ADGRB3: variants seen among roughly 807,000 people sequenced by gnomAD.
The protein encoded by ADGRB3 is brain-specific angiogenesis inhibitor 3.
In ADGRB3, 37 loss-of-function variants were observed where a neutral mutation model predicts 193.4. The observed-to-expected ratio is 0.19, with a 90% CI of 0.15 to 0.25. ADGRB3 has a LOEUF of 0.25. Ranked by LOEUF, ADGRB3 falls within the 10% of genes least tolerant of loss-of-function variation. The probability of loss-of-function intolerance (pLI) is 1.00; values close to 1 mark genes in which losing one functional copy is unlikely to be tolerated. For missense variants in ADGRB3, 1,637 were observed against 1,852.9 expected, an observed-to-expected ratio of 0.88 and a Z score of 2.14; for synonymous variants, 690 against 644.2, an observed-to-expected ratio of 1.07 and a Z score of -1.08.
intron 3 of ADGRB3, among the ~76,000 whole-genome samples, chr6:68,734,378 C>T (rs1458876336): frequency 6.6e-6 from 1 of 151,902 alleles, no homozygotes; most frequent in Non-Finnish European, 1.5e-5. Context: ...TTTCTGAGCA[C>T]TGCAAACGTA....
At chr6:69,373,651 AT>A (rs1769752917) in intron 30 of ADGRB3, among the ~76,000 whole-genome samples, 2 of 152,072 alleles carry the variant, frequency 1.3e-5, no homozygotes, top group Admixed American at 1.3e-4. Flanking sequence ...TTGCCTTCAG[AT>A]TTTTTAGTGC....
At chr6:69,098,906 TG>T (rs1772957945) in intron 17 of ADGRB3, among the ~76,000 whole-genome samples, 1 of 152,234 alleles carries the variant, frequency 6.6e-6, no homozygotes, top group Non-Finnish European at 1.5e-5. Flanking sequence ...CCCATTTCAA[TG>T]AAAATTTTAT....
At chr6:68,947,041 A>T (rs1767792339) in intron 6 of ADGRB3, among the ~76,000 whole-genome samples, 1 of 152,196 alleles carries the variant, frequency 6.6e-6, no homozygotes, top group Middle Eastern at 3.4e-3. Context: ...AAGGTATAGT[A>T]TTTCCTAGTG....
chr6:69,241,583 A>G (rs1366467777), intron 20 of ADGRB3, among the ~76,000 whole-genome samples: 2 of 151,996 alleles, frequency 1.3e-5, no homozygotes, highest in African/African-American at 2.4e-5. Context: ...CAGGTTTTCA[A>G]TGTCCTCTTT....
At chr6:68,649,589 G>C (rs905451097) in intron 3 of ADGRB3, among the ~76,000 whole-genome samples, 1 of 152,080 alleles carries the variant, frequency 6.6e-6, no homozygotes, top group African/African-American at 2.4e-5. Flanking sequence ...TTTAGTCTAA[G>C]ATTATTAAAT....
At chr6:69,043,151 A>G (rs1295495130) in intron 13 of ADGRB3, among the ~76,000 whole-genome samples, 2 of 152,004 alleles carry the variant, frequency 1.3e-5, no homozygotes, top group Non-Finnish European at 2.9e-5. Context: ...AACCTGGCTG[A>G]TCTTGTGTTC....
rs146799555 is a variant in ADGRB3 at position 68,956,073 on chromosome 6, G to C, written c.1245G>C (p.Thr415=). 1.5e-5 allele frequency: 24 copies of C among 1,613,784 alleles called. No individual in the cohort carries two copies. Among genetic ancestry groups the C allele is most frequent in the Non-Finnish European group, 1.8e-5 (21 of 1,179,972 alleles). The stretch of plus-strand genomic sequence containing the variant: ...GTTCGTGGAGCCAGTGCTCAGTAAC[G>C]TGCTCGAATGGGACTCAGCAGAGAA... The part of the protein sequence containing the change: ...EWSSWSQCSV[T]CSNGTQQRSR... Residue 415 remains threonine (T), a synonymous_variant, in exon 7 of 32, where the codon ACG becomes ACC. Transcript: ENST00000370598.
intron 20 of ADGRB3, among the ~76,000 whole-genome samples, chr6:69,304,140 G>A (rs1286054612): frequency 1.3e-5 from 2 of 151,214 alleles, no homozygotes; most frequent in South Asian, 4.2e-4. Flanking sequence ...TTTCCAAGTT[G>A]AACAAAATTT....
intron 17 of ADGRB3, among the ~76,000 whole-genome samples, chr6:69,189,124 T>G (rs1193901922): frequency 6.6e-6 from 1 of 152,186 alleles, no homozygotes; most frequent in African/African-American, 2.4e-5. Context: ...TCCAAACACT[T>G]AGAAATGAAA....
intron 3 of ADGRB3, among the ~76,000 whole-genome samples, chr6:68,699,324 C>T (rs535341250): frequency 6.6e-6 from 1 of 151,946 alleles, no homozygotes; most frequent in South Asian, 2.1e-4. Flanking sequence ...AAGAGTAAAT[C>T]CAGCTAATGT....
At chr6:69,279,880 T>C (rs999641212) in intron 20 of ADGRB3, among the ~76,000 whole-genome samples, 1 of 152,104 alleles carries the variant, frequency 6.6e-6, no homozygotes, top group Non-Finnish European at 1.5e-5. Flanking sequence ...TAGCCAGTAC[T>C]CCTTCTTGGT....
At chr6:69,152,220 G>A (rs994171139) in intron 17 of ADGRB3, among the ~76,000 whole-genome samples, 5 of 152,086 alleles carry the variant, frequency 3.3e-5, no homozygotes, top group Non-Finnish European at 5.9e-5. Context: ...TAATTTTTAT[G>A]TTTCAAAAAT....
At chr6:69,181,005 A>G (rs1775565607) in intron 17 of ADGRB3, among the ~76,000 whole-genome samples, 1 of 152,136 alleles carries the variant, frequency 6.6e-6, no homozygotes, top group Non-Finnish European at 1.5e-5. Flanking sequence ...TTGGGAGAAA[A>G]GAAAACGTAC....
At chr6:68,967,860 G>T (rs915361209) in intron 8 of ADGRB3, among the ~76,000 whole-genome samples, 1 of 152,000 alleles carries the variant, frequency 6.6e-6, no homozygotes, top group Non-Finnish European at 1.5e-5. Context: ...AAGATTGAAG[G>T]CGGGAAAGAC....
intron 3 of ADGRB3, among the ~76,000 whole-genome samples, chr6:68,825,961 T>TG (rs1767835674): frequency 6.6e-6 from 1 of 151,954 alleles, no homozygotes. Context: ...AGGACCTAAC[T>TG]ATCCACTCTG....
chr6:69,100,421 G>T (rs1467680224), intron 17 of ADGRB3, among the ~76,000 whole-genome samples: 1 of 152,066 alleles, frequency 6.6e-6, no homozygotes, highest in Admixed American at 6.6e-5. Flanking sequence ...TCATGAAAAT[G>T]AATTCTATAA....
intron 4 of ADGRB3, among the ~76,000 whole-genome samples, chr6:68,935,931 G>A (rs146246251): frequency 2.6e-5 from 4 of 152,124 alleles, no homozygotes; most frequent in East Asian, 1.9e-4. Context: ...TTAGCAGAAG[G>A]ATTTAAATAA....
chr6:69,354,218 T>TC lies in ADGRB3; in HGVS notation c.3460-10dup. 6.3e-7 allele frequency: 1 copy of TC among 1,591,800 alleles called. No homozygotes were observed. The highest frequency in any genetic ancestry group is 8.6e-7 in the Non-Finnish European group (1 of 1,160,016). On this transcript the variant is annotated splice_polypyrimidine_tract_variant and intron_variant, in intron 26 of 31. Transcript: ENST00000370598. ...TTAAGAGAGAAGAAAATTAATGTGT[T>TC]CCCCCTCCCCACAGGTTCAGGATGC...
At chr6:68,656,292 A>G (rs939026558) in intron 3 of ADGRB3, among the ~76,000 whole-genome samples, 1 of 151,588 alleles carries the variant, frequency 6.6e-6, no homozygotes, top group African/African-American at 2.4e-5. Flanking sequence ...CTTTGTATTT[A>G]GGAGAGAATT....
Sources: gnomAD v4.1 joint callset for allele counts (sites outside exome capture counted in the v4.1 genomes callset) on GRCh38, gnomAD v4.1.1 for gene constraint, MANE v1.5 for transcripts, NCBI Gene and HGNC (gene_info 2026-07-23, HGNC 2026-07-21) for gene names.